ARHGAP32: variants seen among roughly 807,000 people sequenced by gnomAD.
ARHGAP32 encodes rho GTPase-activating protein 32.
Under a neutral mutation model 186.5 loss-of-function variants are expected in ARHGAP32, and 51 were observed. The observed-to-expected ratio is 0.27, with a 90% CI of 0.22 to 0.35. The LOEUF (loss-of-function observed/expected upper bound fraction) is 0.35, where lower values mean the gene tolerates loss of function less well. ARHGAP32 is among the 10% of genes least tolerant of loss of function. ARHGAP32 has a pLI of 1.00. For missense variants in ARHGAP32, 2,186 were observed against 2,623.5 expected (o/e 0.83, Z 3.64); for synonymous variants, 950 against 964.3 (o/e 0.99, Z 0.27).
chr11:129,241,434 A>G (rs1945016576), intron 1 of ARHGAP32, among the ~76,000 whole-genome samples: 1 of 152,168 alleles, frequency 6.6e-6, no homozygotes, highest in African/African-American at 2.4e-5. Flanking sequence ...CTCGAGCCCA[A>G]GAAGTCAAGA....
chr11:129,193,593 TGTTA>T (rs1419231970), upstream of ARHGAP32, among the ~76,000 whole-genome samples: 104 of 49,780 alleles, frequency 2.1e-3, 5 homozygotes, highest in East Asian at 0.028. Context: ...ATATAATATA[TGTTA>T]TATATAATAT....
At chr11:128,993,500 C>T (rs1414067550) in intron 12 of ARHGAP32, among the ~76,000 whole-genome samples, 2 of 151,378 alleles carry the variant, frequency 1.3e-5, no homozygotes, top group Admixed American at 6.6e-5. Context: ...TCTCATCTCT[C>T]CTCACAATTA....
chr11:129,010,316 T>G (rs935498494), intron 11 of ARHGAP32, among the ~76,000 whole-genome samples: 3 of 152,236 alleles, frequency 2.0e-5, no homozygotes, highest in Non-Finnish European at 4.4e-5. Flanking sequence ...ATTGGTCAAT[T>G]TTTGCTTTTG....
At chr11:129,236,955 T>G (rs1401087594) in intron 1 of ARHGAP32, among the ~76,000 whole-genome samples, 2 of 152,230 alleles carry the variant, frequency 1.3e-5, no homozygotes, top group South Asian at 4.1e-4. Flanking sequence ...GTTTTCATCA[T>G]AAAGGGATGC....
chr11:129,158,760 T>C (rs1214889289), intron 2 of ARHGAP32, among the ~76,000 whole-genome samples: 1 of 152,208 alleles, frequency 6.6e-6, no homozygotes, highest in Non-Finnish European at 1.5e-5. Context: ...AGACTATACA[T>C]TCTTCTCAGC....
intron 1 of ARHGAP32, among the ~76,000 whole-genome samples, chr11:129,251,455 C>T (rs1945180994): frequency 6.6e-6 from 1 of 152,146 alleles, no homozygotes; most frequent in South Asian, 2.1e-4. Flanking sequence ...TTTAGGAAAA[C>T]AGAAAATGAC....
chr11:129,026,191 C>T (rs1020691445), intron 11 of ARHGAP32, among the ~76,000 whole-genome samples: 23 of 152,088 alleles, frequency 1.5e-4, no homozygotes, highest in African/African-American at 5.6e-4. Flanking sequence ...TAATGTACTA[C>T]TATATAGTTA....
intron 2 of ARHGAP32, among the ~76,000 whole-genome samples, chr11:129,132,204 C>T (rs945237103): frequency 7.2e-5 from 11 of 152,188 alleles, no homozygotes; most frequent in African/African-American, 2.4e-4. Context: ...GCAGGCTGGG[C>T]GCAGTAGCTC....
intron 5 of ARHGAP32, among the ~76,000 whole-genome samples, chr11:129,110,724 T>C (rs1475260417): frequency 6.6e-6 from 1 of 152,174 alleles, no homozygotes; most frequent in African/African-American, 2.4e-5. Flanking sequence ...TTCTTTTCAT[T>C]TTCAGCTATT....
chr11:129,170,911 T>C (rs1462126074), intron 1 of ARHGAP32, among the ~76,000 whole-genome samples: 2 of 152,242 alleles, frequency 1.3e-5, no homozygotes, highest in Non-Finnish European at 2.9e-5. Context: ...TGCATTTCTC[T>C]GATGATCAGT....
At chr11:129,257,279 T>C (rs1369415990) in intron 1 of ARHGAP32, among the ~76,000 whole-genome samples, 1 of 152,156 alleles carries the variant, frequency 6.6e-6, no homozygotes, top group African/African-American at 2.4e-5. Context: ...GTTTGTGACT[T>C]ATGGCACTAG....
At chr11:129,151,276 A>G (rs1331878527) in intron 2 of ARHGAP32, among the ~76,000 whole-genome samples, 1 of 152,204 alleles carries the variant, frequency 6.6e-6, no homozygotes, top group African/African-American at 2.4e-5. Flanking sequence ...GCAACACAAT[A>G]ATAGTGGGGA....
At chr11:129,077,564 A>G (rs1941083710) in intron 6 of ARHGAP32, among the ~76,000 whole-genome samples, 1 of 152,070 alleles carries the variant, frequency 6.6e-6, no homozygotes, top group Non-Finnish European at 1.5e-5. Flanking sequence ...GATGCAGCAG[A>G]AGCAGTCATA....
intron 1 of ARHGAP32, among the ~76,000 whole-genome samples, chr11:129,199,202 C>T (rs1177293369): frequency 1.3e-5 from 2 of 152,206 alleles, no homozygotes; most frequent in Non-Finnish European, 2.9e-5. Context: ...AAATTTGCAG[C>T]CTGACCATGC....
intron 1 of ARHGAP32, among the ~76,000 whole-genome samples, chr11:129,268,306 G>A (rs575478754): frequency 1.4e-4 from 22 of 152,314 alleles, no homozygotes; most frequent in Non-Finnish European, 3.2e-4. Context: ...GCAGATCTGT[G>A]TGGAGTCAGA....
At chr11:128,971,947 A>G (rs1424293068) in intron 22 of ARHGAP32, 5 of 152,378 alleles carry the variant, frequency 3.3e-5, no homozygotes, top group Non-Finnish European at 5.9e-5. Context: ...GTAACAAAAA[A>G]TCCCAAGGCA....
At chr11:129,028,609 G>A (rs779598105) in intron 11 of ARHGAP32, among the ~76,000 whole-genome samples, 34 of 152,186 alleles carry the variant, frequency 2.2e-4, no homozygotes, top group Non-Finnish European at 3.7e-4. Flanking sequence ...ACAGGCATTC[G>A]TTGTGTAACC....
At chr11:129,234,881 CAT>C (rs1433898201) in intron 1 of ARHGAP32, among the ~76,000 whole-genome samples, 1 of 152,136 alleles carries the variant, frequency 6.6e-6, no homozygotes, top group Non-Finnish European at 1.5e-5. Context: ...CCTATTTCAC[CAT>C]TCCCTTAGTT....
chr11:129,257,721 A>AC (rs1555118502), intron 1 of ARHGAP32, among the ~76,000 whole-genome samples: 48,232 of 146,482 alleles, frequency 0.33, 8,241 homozygotes, highest in South Asian at 0.45. Context: ...AAAAAAAAAA[A>AC]CAGAACTTCT....
Sources: gnomAD v4.1 joint callset for allele counts (sites outside exome capture counted in the v4.1 genomes callset) on GRCh38, gnomAD v4.1.1 for gene constraint, MANE v1.5 for transcripts, NCBI Gene and HGNC (gene_info 2026-07-23, HGNC 2026-07-21) for gene names.